The following CRACR2A variants were observed in gnomAD, a reference collection of about 807,000 sequenced individuals.
The protein encoded by CRACR2A is calcium release activated channel regulator 2A.
CRACR2A carries 79 observed loss-of-function variants against 90.5 expected under a neutral mutation model. The ratio of observed to expected loss-of-function variants is 0.87; its 90% CI spans 0.73 to 1.05. The LOEUF is 1.05. Among genes scored for constraint, CRACR2A ranks in the 50% least tolerant of loss-of-function variants. CRACR2A has a pLI of 0.00. For synonymous variants in CRACR2A, 338 were observed against 356.7 expected (o/e 0.95, Z 0.59); for missense variants, 823 against 897.2 (o/e 0.92, Z 1.06).
intron 13 of CRACR2A, among the ~76,000 whole-genome samples, chr12:3,638,758 G>A (rs1468155572): frequency 6.6e-6 from 1 of 152,200 alleles, no homozygotes; most frequent in African/African-American, 2.4e-5. Context: ...CAGAATACTT[G>A]ATTTAGTGGG....
Position 3,686,098 on chromosome 12 carries a change from A to C in CRACR2A, c.229-5749T>G, listed in dbSNP as rs554085274. Among the ~76,000 whole-genome samples the C allele has an allele frequency of 2.0e-5, 3 of 152,364 alleles. 1 individual carries two copies. The highest frequency in any genetic ancestry group is 7.2e-5 in the African/African-American group (3 of 41,576). On this transcript the variant is annotated intron_variant, in intron 4 of 19. Coordinates refer to ENST00000440314, the MANE Select transcript of CRACR2A (RefSeq NM_001144958.2). ...TCACAGCTGAGAAACTGTAGCCTAG[A>C]GGGGTTAAGAGACACAAATTCGTAT...
At chr12:3,673,968 C>T (rs1316705477) in intron 6 of CRACR2A, among the ~76,000 whole-genome samples, 5 of 152,288 alleles carry the variant, frequency 3.3e-5, no homozygotes, top group East Asian at 3.9e-4. Context: ...TCTGTTCTCC[C>T]GTGGCCTTCA....
intron 3 of CRACR2A, among the ~76,000 whole-genome samples, chr12:3,710,427 T>C (rs1945991037): frequency 6.6e-6 from 1 of 152,094 alleles, no homozygotes; most frequent in African/African-American, 2.4e-5. Flanking sequence ...GGTGCCAGCA[T>C]GGTTGGGTTC....
At chr12:3,689,209 G>T (rs11614758) in intron 4 of CRACR2A, among the ~76,000 whole-genome samples, 14,254 of 152,168 alleles carry the variant, frequency 0.094, 950 homozygotes, top group Non-Finnish European at 0.14. Flanking sequence ...GATTGCTCTA[G>T]CCAGGACTTC....
rs1555123164 is a variant in CRACR2A at position 3,745,807 on chromosome 12, A to AAAT, written c.-387+7205_-387+7207dup. Among the ~76,000 whole-genome samples the AAAT allele has an allele frequency of 2.2e-3, 10 of 4,472 alleles. 1 individual carries two copies. Among genetic ancestry groups the AAAT allele is most frequent in the Middle Eastern group, 0.14 (2 of 14 alleles). The allele number at this position is 4,472 out of a possible 152,430, so 2.9% of individuals were successfully genotyped here. A position where few individuals can be genotyped will look rare whatever the true frequency, so the allele number is the denominator to read the frequency against. ...AAATAAAATAAAATAAAATAAAATAAAATAAAATAAAATAAAATAAAGAAA... is the reference window on the plus strand; with the variant it reads ...AAATAAAATAAAATAAAATAAAATAAAATAATAAAATAAAATAAAATAAAGAAA... On this transcript the variant is annotated intron_variant, in intron 1 of 19. Coordinates refer to ENST00000440314, the MANE Select transcript of CRACR2A (RefSeq NM_001144958.2).
At chr12:3,649,984 A>C (rs375401050) in intron 10 of CRACR2A, among the ~76,000 whole-genome samples, 1 of 152,218 alleles carries the variant, frequency 6.6e-6, no homozygotes, top group Admixed American at 6.5e-5. Context: ...TAACTTCACA[A>C]TTCTGTCTTC....
At chr12:3,652,326 T>C (rs1944807964) in intron 10 of CRACR2A, among the ~76,000 whole-genome samples, 2 of 152,230 alleles carry the variant, frequency 1.3e-5, no homozygotes. Flanking sequence ...CTGTACCTTG[T>C]TGACCTGTTC....
chr12:3,748,823 T>C (rs1946661783), intron 1 of CRACR2A, among the ~76,000 whole-genome samples: 2 of 152,192 alleles, frequency 1.3e-5, no homozygotes, highest in African/African-American at 2.4e-5. Context: ...CACCTCAGCC[T>C]GACTGCAAAT....
chr12:3,672,782 TGAG>T, intron 7 of CRACR2A: 1 of 985,438 alleles, frequency 1.0e-6, no homozygotes, highest in Non-Finnish European at 1.2e-6. Flanking sequence ...GGGCTGTGAG[TGAG>T]GAGGACTCTG....
At chr12:3,700,061 G>A (rs142282755) in intron 3 of CRACR2A, among the ~76,000 whole-genome samples, 81 of 152,278 alleles carry the variant, frequency 5.3e-4, no homozygotes, top group African/African-American at 1.8e-3. Flanking sequence ...ATGAAGGATG[G>A]TGATCCTTAA....
chr12:3,667,529 T>C (rs919221809), intron 7 of CRACR2A, among the ~76,000 whole-genome samples: 1 of 152,036 alleles, frequency 6.6e-6, no homozygotes, highest in African/African-American at 2.4e-5. Context: ...TGCCTCAACG[T>C]GCTGATCACA....
chr12:3,751,273 C>T (rs535166766), intron 1 of CRACR2A, among the ~76,000 whole-genome samples: 1 of 152,240 alleles, frequency 6.6e-6, no homozygotes, highest in East Asian at 1.9e-4. Context: ...TCCCCTACCC[C>T]CAAGCCTTTT....
chr12:3,666,487 C>G (rs1209577018), intron 7 of CRACR2A, among the ~76,000 whole-genome samples: 1 of 152,146 alleles, frequency 6.6e-6, no homozygotes, highest in Non-Finnish European at 1.5e-5. Flanking sequence ...ATTCATTATT[C>G]TAATGTAAAT....
intron 3 of CRACR2A, 88 bp from the exon 4 acceptor site, chr12:3,697,123 G>C: frequency 7.0e-7 from 1 of 1,428,828 alleles, no homozygotes; most frequent in Non-Finnish European, 9.3e-7. Flanking sequence ...AGGAAGCACA[G>C]AGCCATACAC....
At position 3,638,112 on chromosome 12, in the gene CRACR2A, C is replaced by T. The variant is rs1359377773; in HGVS notation, c.1602+12G>A. 6.5e-7 allele frequency: 1 copy of T among 1,532,984 alleles called. No individual in the cohort carries two copies. 95.0% of individuals were successfully genotyped at this position (1,532,984 alleles called of 1,614,324 possible). A position where few individuals can be genotyped will look rare whatever the true frequency, so the allele number is the denominator to read the frequency against. The stretch of plus-strand genomic sequence containing the variant: ...AGTGATGTGCATGAACCAAGGTAGG[C>T]TGTGCCCTTACCTTACACAGGGCTT... On this transcript the variant is annotated intron_variant, in intron 14 of 19. Coordinates refer to ENST00000440314, the MANE Select transcript of CRACR2A (RefSeq NM_001144958.2).
intron 15 of CRACR2A, among the ~76,000 whole-genome samples, chr12:3,632,389 G>T (rs1944390691): frequency 6.6e-6 from 1 of 152,150 alleles, no homozygotes; most frequent in Non-Finnish European, 1.5e-5. Flanking sequence ...TTTTTCAAAT[G>T]AGAGAAAACT....
chr12:3,744,934 C>T (rs1473543999), intron 1 of CRACR2A, among the ~76,000 whole-genome samples: 1 of 152,162 alleles, frequency 6.6e-6, no homozygotes. Flanking sequence ...TAAAATGATA[C>T]ATTTTATGTT....
At chr12:3,725,434 C>A (rs1341999328) in intron 2 of CRACR2A, among the ~76,000 whole-genome samples, 3 of 152,074 alleles carry the variant, frequency 2.0e-5, no homozygotes, top group Admixed American at 6.5e-5. Flanking sequence ...ATTTGGCCTT[C>A]TTCTCTCTAT....
At chr12:3,696,196 CAAAGTGGAAAATATTT>C (rs1427448007) in intron 4 of CRACR2A, among the ~76,000 whole-genome samples, 2 of 152,354 alleles carry the variant, frequency 1.3e-5, no homozygotes, top group East Asian at 3.9e-4. Flanking sequence ...GTAAGGTCCA[CAAAGTGGAAAATATTT>C]ATTCTCTGGA....
Sources: allele counts gnomAD v4.1 joint callset (sites outside exome capture counted in the v4.1 genomes callset), GRCh38; gene constraint gnomAD v4.1.1; transcripts MANE v1.5; gene names NCBI Gene and HGNC (gene_info 2026-07-23, HGNC 2026-07-21).